The following RAP1GAP2 variants were observed in gnomAD, a reference collection of about 807,000 sequenced individuals.
RAP1GAP2 encodes the protein rap1 GTPase-activating protein 2.
In RAP1GAP2, 27 loss-of-function variants were observed where a neutral mutation model predicts 95.0. The observed-to-expected ratio is 0.28, with a 90% CI of 0.21 to 0.39. The LOEUF (loss-of-function observed/expected upper bound fraction) is 0.39. Among genes scored for constraint, RAP1GAP2 ranks in the 10% least tolerant of loss-of-function variants. The probability of loss-of-function intolerance (pLI) is 1.00; values close to 1 mark genes in which losing one functional copy is unlikely to be tolerated. For missense variants in RAP1GAP2, 771 were observed against 970.0 expected (o/e 0.79, Z 2.72); for synonymous variants, 373 against 380.9 (o/e 0.98, Z 0.24).
chr17:2,947,243 G>A (rs999998415), intron 3 of RAP1GAP2, among the ~76,000 whole-genome samples: 2 of 151,196 alleles, frequency 1.3e-5, no homozygotes, highest in Non-Finnish European at 2.9e-5. Context: ...GGAAAGAGGA[G>A]CAAGCAGGTG....
intron 19 of RAP1GAP2, 26 bp from the exon 20 acceptor site, chr17:3,025,982 C>G (rs774499999): frequency 2.6e-6 from 4 of 1,554,284 alleles, no homozygotes; most frequent in Middle Eastern, 3.4e-4. Flanking sequence ...TCTCCGCGGC[C>G]TCACTCCTCA....
At chr17:2,847,761 C>A (rs2071652794) in intron 2 of RAP1GAP2, among the ~76,000 whole-genome samples, 1 of 152,068 alleles carries the variant, frequency 6.6e-6, no homozygotes, top group South Asian at 2.1e-4. Flanking sequence ...GGCCGGGGGA[C>A]CTTGGGTTGG....
chr17:2,888,578 C>T lies in RAP1GAP2; in HGVS notation c.81-16706C>T, dbSNP rs1375741887. 7.9e-5 allele frequency among the ~76,000 whole-genome samples: 12 copies of T among 152,092 alleles called. No individual in the cohort carries two copies. In the South Asian group the frequency reaches 1.5e-3, roughly 18 times the overall value. Reference sequence around the variant, plus strand: ...TAATGTCCTCCAGTTTTATGCATGTCGCCACGAATGACGGGATTTGGTTCT... The same window carrying T: ...TAATGTCCTCCAGTTTTATGCATGTTGCCACGAATGACGGGATTTGGTTCT... On this transcript the variant is annotated intron_variant, in intron 2 of 24. Transcript: ENST00000254695.
At chr17:2,860,134 A>G (rs1046828584) in intron 2 of RAP1GAP2, among the ~76,000 whole-genome samples, 7 of 152,098 alleles carry the variant, frequency 4.6e-5, no homozygotes, top group African/African-American at 1.7e-4. Context: ...CTGGCCTTGC[A>G]GTCCCAGAGT....
intron 2 of RAP1GAP2, among the ~76,000 whole-genome samples, chr17:2,873,959 G>C (rs1052092046): frequency 2.6e-5 from 4 of 151,736 alleles, no homozygotes; most frequent in African/African-American, 4.8e-5. Flanking sequence ...ACGCGGTGGG[G>C]GGGGGCGGGT....
At chr17:2,769,271 A>C (rs980103366) in intron 1 of RAP1GAP2, among the ~76,000 whole-genome samples, 2 of 114,600 alleles carry the variant, frequency 1.7e-5, no homozygotes, top group South Asian at 3.0e-4. Flanking sequence ...AAAAAAAAAA[A>C]AGGTCTGGGT....
At chr17:3,012,624 AAAAAAAAC>A (rs2046596208) in intron 17 of RAP1GAP2, among the ~76,000 whole-genome samples, 1 of 151,544 alleles carries the variant, frequency 6.6e-6, no homozygotes, top group African/African-American at 2.4e-5. Context: ...AAAAAAAAAA[AAAAAAAAC>A]AAACCTAAAG....
At chr17:2,774,960 A>G (rs2068465924), upstream of RAP1GAP2, among the ~76,000 whole-genome samples, 1 of 151,550 alleles carries the variant, frequency 6.6e-6, no homozygotes, top group East Asian at 1.9e-4. Flanking sequence ...AGCTGGGATT[A>G]CAGGCATGCG....
intron 2 of RAP1GAP2, among the ~76,000 whole-genome samples, chr17:2,853,080 A>G (rs1456907686): frequency 1.3e-5 from 2 of 151,918 alleles, no homozygotes; most frequent in Non-Finnish European, 2.9e-5. Flanking sequence ...TGTGGAGTCA[A>G]ACTCCCAGGG....
In RAP1GAP2 at chr17:2,797,823, C is replaced by T. The variant is rs1398044307; in HGVS notation, c.44+1252C>T. On this transcript the variant is annotated intron_variant, in intron 1 of 24. Transcript: ENST00000254695. This position sits in a 1 kb window ranked among gnomAD's most constrained non-coding sequence, Gnocchi z 5.6. ...CGGGAGGCAGCAGAGGACTTGGCTTCTGGTTGGGAGGGGTGTGTGTGTCTT... is the reference window on the plus strand; with the variant it reads ...CGGGAGGCAGCAGAGGACTTGGCTTTTGGTTGGGAGGGGTGTGTGTGTCTT... 2.0e-6 allele frequency: 2 copies of T among 979,842 alleles called. No individual in the cohort carries two copies. Among genetic ancestry groups the T allele is most frequent in the Non-Finnish European group, 1.2e-6 (1 of 825,068 alleles). 60.7% of individuals were successfully genotyped at this position (979,842 alleles called of 1,614,324 possible).
chr17:2,825,722 C>T lies in RAP1GAP2; in HGVS notation c.80+25172C>T, dbSNP rs1033106249. 1.3e-5 allele frequency among the ~76,000 whole-genome samples: 2 copies of T among 152,066 alleles called. No homozygotes were observed. The highest frequency in any genetic ancestry group is 6.6e-5 in the Admixed American group (1 of 15,248). On this transcript the variant is annotated intron_variant, in intron 2 of 24. Coordinates refer to ENST00000254695, the MANE Select transcript of RAP1GAP2 (RefSeq NM_015085.5). This position sits in a 1 kb window ranked among gnomAD's most constrained non-coding sequence, Gnocchi z 4.1. ...TGGTGCTTGGCGCAGAGTTAGTGCT[C>T]GTGACTGCAGCTGTTACTGAAGACA...
intron 2 of RAP1GAP2, among the ~76,000 whole-genome samples, chr17:2,895,738 G>A (rs909627731): frequency 6.6e-6 from 1 of 152,058 alleles, no homozygotes; most frequent in African/African-American, 2.4e-5. Context: ...CACCATGCCT[G>A]GCTAATTTTT....
intron 2 of RAP1GAP2, among the ~76,000 whole-genome samples, chr17:2,877,689 T>C (rs147776265): frequency 0.042 from 6,425 of 152,292 alleles, 167 homozygotes; most frequent in Middle Eastern, 0.085. Context: ...AGGTGGAGGT[T>C]GCAGTGAACT....
At chr17:2,774,013 C>A (rs1267065509), upstream of RAP1GAP2, among the ~76,000 whole-genome samples, 1 of 152,164 alleles carries the variant, frequency 6.6e-6, no homozygotes, top group Non-Finnish European at 1.5e-5. Flanking sequence ...CTGCCTCGGC[C>A]TCCCAAAGTG....
At chr17:2,874,573 G>A (rs1306625776) in intron 2 of RAP1GAP2, among the ~76,000 whole-genome samples, 1 of 152,150 alleles carries the variant, frequency 6.6e-6, no homozygotes, top group African/African-American at 2.4e-5. Context: ...AGAAAGAGGT[G>A]GAAAAGGGGG....
intron 2 of RAP1GAP2, among the ~76,000 whole-genome samples, chr17:2,831,584 G>A (rs1245196384): frequency 6.7e-6 from 1 of 149,836 alleles, no homozygotes; most frequent in Non-Finnish European, 1.5e-5. Flanking sequence ...TTTGTATAAC[G>A]TAAGTAATAT....
At chr17:2,830,497 C>G (rs1452761402) in intron 2 of RAP1GAP2, among the ~76,000 whole-genome samples, 2 of 151,800 alleles carry the variant, frequency 1.3e-5, no homozygotes, top group South Asian at 4.2e-4. Flanking sequence ...GGGCAGATCA[C>G]GATGTCAAGA....
In RAP1GAP2 at chr17:3,011,368, C is replaced by T. The variant is rs183476872; in HGVS notation, c.1494+3223C>T. Among the ~76,000 whole-genome samples, 548 of 152,320 alleles carry T rather than the reference C, an allele frequency of 3.6e-3. 6 individuals are homozygous for T. The highest frequency in any genetic ancestry group is 0.013 in the African/African-American group (525 of 41,566). On this transcript the variant is annotated intron_variant, in intron 17 of 24. Transcript: ENST00000254695. The stretch of plus-strand genomic sequence containing the variant: ...GGCTCAGCCGAATGGAGCCCTGGGG[C>T]CTGGGGTGGATTCTGGTGTTTAGGC...
At chr17:2,971,326 T>C (rs2044859202) in intron 8 of RAP1GAP2, among the ~76,000 whole-genome samples, 1 of 152,158 alleles carries the variant, frequency 6.6e-6, no homozygotes, top group Admixed American at 6.5e-5. Flanking sequence ...GAAGCTGCAG[T>C]TACAGAATAT....
Sources: gnomAD v4.1 joint callset for allele counts (sites outside exome capture counted in the v4.1 genomes callset) on GRCh38, gnomAD v4.1.1 for gene constraint, Gnocchi (gnomAD v3.1) non-coding constraint, MANE v1.5 for transcripts, NCBI Gene and HGNC (gene_info 2026-07-23, HGNC 2026-07-21) for gene names.